The following CCSER1 variants were observed in gnomAD, a reference collection of about 807,000 sequenced individuals.
CCSER1 encodes the protein coiled-coil serine rich protein 1, also known as serine-rich coiled-coil domain-containing protein 1.
In CCSER1, 41 loss-of-function variants were observed where a neutral mutation model predicts 82.0. The observed-to-expected ratio is 0.50, with a 90% confidence interval of 0.39 to 0.65. The LOEUF is 0.65. CCSER1 is among the 30% of genes least tolerant of loss of function. The pLI is 0.00. For synonymous variants in CCSER1, 414 were observed against 383.9 expected (o/e 1.08, Z -0.92); for missense variants, 1,119 against 1,064.2 (o/e 1.05, Z -0.72).
rs547946134 is a variant in CCSER1, at chr4:91,452,633, T to C, written c.2218-145939T>C. Among the ~76,000 whole-genome samples the C allele has an allele frequency of 1.8e-3, 276 of 152,138 alleles. 2 individuals are homozygous for C. The Middle Eastern group carries it at 0.02, about 11-fold the overall frequency. On this transcript the variant is annotated intron_variant, in intron 10 of 10. Transcript: ENST00000509176. ...GTCTTCCAAATGTGCTGAGATACTA[T>C]AGAAGCTAAAGATGGAAAATGAAAT...
chr4:90,354,546 T>C (rs1416247741), intron 3 of CCSER1, among the ~76,000 whole-genome samples: 2 of 152,138 alleles, frequency 1.3e-5, no homozygotes, highest in Non-Finnish European at 2.9e-5. Flanking sequence ...TTGATTATGG[T>C]ACTCATTTCA....
intron 9 of CCSER1, among the ~76,000 whole-genome samples, chr4:90,931,292 T>A (rs948494249): frequency 1.3e-5 from 2 of 151,926 alleles, no homozygotes; most frequent in African/African-American, 4.8e-5. Context: ...TCTGTGTATA[T>A]AATAAGAATT....
intron 5 of CCSER1, among the ~76,000 whole-genome samples, chr4:90,509,641 T>C (rs1311393339): frequency 6.6e-6 from 1 of 152,158 alleles, no homozygotes; most frequent in African/African-American, 2.4e-5. Context: ...TCCTGTCAGC[T>C]GATTTCTGGA....
chr4:90,397,643 G>T (rs1439295581), intron 3 of CCSER1, among the ~76,000 whole-genome samples: 1 of 152,138 alleles, frequency 6.6e-6, no homozygotes, highest in East Asian at 1.9e-4. Flanking sequence ...ACCAGACAGA[G>T]ACTTTTTTTC....
At chr4:90,532,841 C>T (rs116735114) in intron 5 of CCSER1, among the ~76,000 whole-genome samples, 351 of 152,262 alleles carry the variant, frequency 2.3e-3, no homozygotes, top group Middle Eastern at 6.8e-3. Flanking sequence ...TGAGTAGCTT[C>T]CTCCTCTACT....
At position 91,570,552 on chromosome 4, in the gene CCSER1, A is replaced by G. The variant is rs541474692; in HGVS notation, c.2218-28020A>G. On this transcript the variant is annotated intron_variant, in intron 10 of 10. Coordinates refer to ENST00000509176, the MANE Select transcript of CCSER1 (RefSeq NM_001145065.2). ...GCAGGCCAAACAACATGTGTAAGCC[A>G]CCAAGGCTTGGGGCTTGCACCCTCT... is the stretch of plus-strand genomic sequence containing the variant. Among the ~76,000 whole-genome samples the G allele has an allele frequency of 2.8e-3, 429 of 152,306 alleles. 1 individual carries two copies. The highest frequency in any genetic ancestry group is 9.9e-3 in the African/African-American group (411 of 41,576).
intron 10 of CCSER1, among the ~76,000 whole-genome samples, chr4:91,350,139 A>G (rs532645456): frequency 3.1e-4 from 37 of 120,556 alleles, no homozygotes; most frequent in Non-Finnish European, 5.2e-4. Context: ...AATTAACAGT[A>G]TTATTTTTGT....
At chr4:91,247,333 T>C (rs1739880253) in intron 10 of CCSER1, among the ~76,000 whole-genome samples, 1 of 150,228 alleles carries the variant, frequency 6.7e-6, no homozygotes, top group African/African-American at 2.4e-5. Context: ...AATTAAAGAA[T>C]TAAGTAGATG....
intron 5 of CCSER1, among the ~76,000 whole-genome samples, chr4:90,508,613 A>G (rs1265552932): frequency 1.3e-5 from 2 of 152,076 alleles, no homozygotes; most frequent in Admixed American, 6.6e-5. Flanking sequence ...GAGCTTTAGT[A>G]TAGTGATGAG....
intron 8 of CCSER1, among the ~76,000 whole-genome samples, chr4:90,906,895 C>G (rs916513712): frequency 6.6e-6 from 1 of 151,920 alleles, no homozygotes; most frequent in African/African-American, 2.4e-5. Flanking sequence ...ATATTCAAAC[C>G]CTATTACTCC....
intron 9 of CCSER1, among the ~76,000 whole-genome samples, chr4:90,934,867 G>T (rs1284911611): frequency 2.0e-5 from 3 of 152,204 alleles, no homozygotes; most frequent in South Asian, 2.1e-4. Flanking sequence ...GGAGGCAGAG[G>T]TTGCAGTGAG....
intron 10 of CCSER1, among the ~76,000 whole-genome samples, chr4:91,142,975 T>G (rs1261537543): frequency 1.3e-5 from 2 of 152,272 alleles, no homozygotes; most frequent in Non-Finnish European, 2.9e-5. Context: ...CTTTTTTGGT[T>G]CTATCTGAAT....
intron 9 of CCSER1, among the ~76,000 whole-genome samples, chr4:91,064,017 T>C (rs1282032666): frequency 6.6e-6 from 1 of 152,202 alleles, no homozygotes; most frequent in Non-Finnish European, 1.5e-5. Context: ...TAAAAATAGT[T>C]TTCTTATCTT....
intron 9 of CCSER1, among the ~76,000 whole-genome samples, chr4:91,024,993 TTGTC>T: frequency 6.6e-6 from 1 of 152,258 alleles, no homozygotes; most frequent in East Asian, 1.9e-4. Context: ...GTATTTTTAT[TTGTC>T]TGTGCAGTGT....
At chr4:90,655,431 T>G (rs1375289259) in intron 6 of CCSER1, among the ~76,000 whole-genome samples, 1 of 152,038 alleles carries the variant, frequency 6.6e-6, no homozygotes, top group Non-Finnish European at 1.5e-5. Context: ...AAGAGAACTT[T>G]GGGAAGTTTT....
intron 10 of CCSER1, among the ~76,000 whole-genome samples, chr4:91,113,884 G>A (rs1351070040): frequency 6.7e-6 from 1 of 148,516 alleles, no homozygotes; most frequent in East Asian, 2.0e-4. Flanking sequence ...ACGGAGTCTC[G>A]CTCTGTCGCT....
chr4:91,314,435 A>G (rs1745691273), intron 10 of CCSER1, among the ~76,000 whole-genome samples: 2 of 151,978 alleles, frequency 1.3e-5, no homozygotes, highest in South Asian at 2.1e-4. Context: ...TGCAAACTAT[A>G]TGTCATAATT....
chr4:90,138,338 C>T (rs571231126), intron 1 of CCSER1, among the ~76,000 whole-genome samples: 10 of 152,202 alleles, frequency 6.6e-5, no homozygotes, highest in African/African-American at 9.6e-5. Context: ...ATTACAGGTG[C>T]GCCCCACTAC....
At chr4:90,456,758 T>C (rs1187128928) in intron 4 of CCSER1, among the ~76,000 whole-genome samples, 2 of 152,188 alleles carry the variant, frequency 1.3e-5, no homozygotes, top group Non-Finnish European at 2.9e-5. Context: ...AGTTTGGTTG[T>C]AGTGGAGTTT....
Sources: allele counts gnomAD v4.1 joint callset (sites outside exome capture counted in the v4.1 genomes callset), GRCh38; gene constraint gnomAD v4.1.1; transcripts MANE v1.5; gene names NCBI Gene and HGNC (gene_info 2026-07-23, HGNC 2026-07-21).